Variants in TENM2 observed in about 807,000 individuals in gnomAD.
TENM2 encodes teneurin-2.
A neutral mutation model predicts 245.2 loss-of-function variants in TENM2; 52 were observed. The observed-to-expected ratio is 0.21, with a 90% CI of 0.17 to 0.27. TENM2 has a LOEUF of 0.27. Among genes scored for constraint, TENM2 ranks in the 10% least tolerant of loss-of-function variants. The pLI is 1.00. For missense variants in TENM2, 3,046 were observed against 3,666.8 expected, an observed-to-expected ratio of 0.83 and a Z score of 4.37; for synonymous variants, 1,363 against 1,438.9, an observed-to-expected ratio of 0.95 and a Z score of 1.19.
At chr5:168,138,966 T>C (rs570048267) in intron 12 of TENM2, among the ~76,000 whole-genome samples, 35 of 152,288 alleles carry the variant, frequency 2.3e-4, no homozygotes, top group African/African-American at 8.2e-4. Context: ...TCAGCTGCCT[T>C]TTTGCCCACT....
At chr5:168,012,406 G>A (rs922839986) in intron 5 of TENM2, among the ~76,000 whole-genome samples, 9 of 152,116 alleles carry the variant, frequency 5.9e-5, no homozygotes, top group South Asian at 2.1e-4. Flanking sequence ...GCTTTGGGAG[G>A]CCAAGGTGAG....
At chr5:167,672,554 T>G (rs1262560061) in intron 2 of TENM2, among the ~76,000 whole-genome samples, 1 of 152,062 alleles carries the variant, frequency 6.6e-6, no homozygotes, top group African/African-American at 2.4e-5. Context: ...ATCATTCCTC[T>G]TAGGCTTTCA....
At chr5:167,098,752 T>C in the TENM2 span, among the ~76,000 whole-genome samples, 1 of 152,216 alleles carries the variant, frequency 6.6e-6, no homozygotes, top group Non-Finnish European at 1.5e-5. Flanking sequence ...GGGAGGTTAT[T>C]CAATCAATAG....
chr5:167,827,045 A>G (rs369371139), intron 2 of TENM2, among the ~76,000 whole-genome samples: 5 of 152,214 alleles, frequency 3.3e-5, no homozygotes, highest in Non-Finnish European at 7.3e-5. Flanking sequence ...TCCATCCTCC[A>G]TCCTCAAGAC....
chr5:167,959,894 G>C (rs148982748), intron 4 of TENM2, among the ~76,000 whole-genome samples: 1 of 152,142 alleles, frequency 6.6e-6, no homozygotes, highest in Admixed American at 6.5e-5. Flanking sequence ...CTGAGTGGAC[G>C]TCCTTTTTGT....
chr5:167,245,097 C>T, the TENM2 span, among the ~76,000 whole-genome samples: 1 of 152,140 alleles, frequency 6.6e-6, no homozygotes, highest in Non-Finnish European at 1.5e-5. Flanking sequence ...CTGCTGGTTT[C>T]CATGGTTTCT....
intron 5 of TENM2, 99 bp from the exon 8 acceptor site, chr5:168,047,328 A>G: frequency 7.1e-7 from 1 of 1,410,832 alleles, no homozygotes; most frequent in Non-Finnish European, 9.8e-7. Flanking sequence ...CAGCTTCCTC[A>G]AAAGGCAATC....
intron 2 of TENM2, among the ~76,000 whole-genome samples, chr5:167,786,828 G>A (rs1764611365): frequency 6.6e-6 from 1 of 152,124 alleles, no homozygotes; most frequent in African/African-American, 2.4e-5. Flanking sequence ...ACATCTCAGA[G>A]CTCCCCAAAC....
At chr5:168,200,271 C>A (rs1761819972) in intron 17 of TENM2, 140 bp downstream of exon 19, 1 of 755,468 alleles carries the variant, frequency 1.3e-6, no homozygotes, top group Admixed American at 2.9e-5. Flanking sequence ...AGACAAGATT[C>A]CTCTTCCACG....
intron 2 of TENM2, among the ~76,000 whole-genome samples, chr5:167,395,987 C>T (rs1218563417): frequency 2.0e-5 from 3 of 152,056 alleles, no homozygotes; most frequent in Non-Finnish European, 4.4e-5. Flanking sequence ...GTGGAGAAAT[C>T]GTAGCTTTTA....
the TENM2 span, among the ~76,000 whole-genome samples, chr5:167,003,784 G>A: frequency 1.3e-5 from 2 of 152,074 alleles, no homozygotes; most frequent in African/African-American, 4.8e-5. Flanking sequence ...GATGATTTTG[G>A]GGAAGGAACT....
At chr5:167,245,513 T>C in the TENM2 span, among the ~76,000 whole-genome samples, 1 of 148,446 alleles carries the variant, frequency 6.7e-6, no homozygotes, top group Non-Finnish European at 1.5e-5. Context: ...CTTTTCTTTT[T>C]CTTTTTTTTA....
chr5:167,019,680 A>G, the TENM2 span, among the ~76,000 whole-genome samples: 1 of 152,082 alleles, frequency 6.6e-6, no homozygotes, highest in East Asian at 1.9e-4. Flanking sequence ...ATGTTGGCCC[A>G]GGTGGTCTCA....
At chr5:168,196,871 A>C (rs1256430407) in intron 15 of TENM2, among the ~76,000 whole-genome samples, 4 of 152,220 alleles carry the variant, frequency 2.6e-5, no homozygotes, top group Admixed American at 2.6e-4. Flanking sequence ...TTTCTTCTGC[A>C]TCCCTCTCCA....
chr5:168,212,831 C>A (rs570126196), intron 20 of TENM2, among the ~76,000 whole-genome samples: 1 of 152,256 alleles, frequency 6.6e-6, no homozygotes, highest in South Asian at 2.1e-4. Context: ...GTCCCTCTGA[C>A]GTGAGTTTCT....
At chr5:167,284,359 G>T (rs77634459), upstream of TENM2, among the ~76,000 whole-genome samples, 3,071 of 152,000 alleles carry the variant, frequency 0.02, 52 homozygotes, top group Middle Eastern at 0.034. Context: ...TTCTTTTGGA[G>T]GGGGGGTGGT....
At chr5:168,204,604 C>G in exon 19 of TENM2, 1 of 1,613,960 alleles carries the variant, frequency 6.2e-7, no homozygotes, top group Non-Finnish European at 8.5e-7. Flanking sequence ...GAAATGTGAC[C>G]AGCATCTTGG....
the TENM2 span, among the ~76,000 whole-genome samples, chr5:167,158,943 T>C: frequency 2.0e-5 from 3 of 149,866 alleles, no homozygotes; most frequent in African/African-American, 7.4e-5. Flanking sequence ...TCCTTCTTTC[T>C]TTCTTTCTTC....
intron 3 of TENM2, among the ~76,000 whole-genome samples, chr5:167,948,180 A>G (rs1220564560): frequency 6.6e-6 from 1 of 152,206 alleles, no homozygotes; most frequent in Non-Finnish European, 1.5e-5. Context: ...TCAACACAAA[A>G]GTTGATATGC....
Sources: gnomAD v4.1 joint callset for allele counts (sites outside exome capture counted in the v4.1 genomes callset) on GRCh38, gnomAD v4.1.1 for gene constraint, MANE v1.5 for transcripts, NCBI Gene and HGNC (gene_info 2026-07-23, HGNC 2026-07-21) for gene names.